Variants in SLCO1A2 observed in about 807,000 individuals in gnomAD.
The protein encoded by SLCO1A2 is solute carrier organic anion transporter family member 1A2.
A neutral mutation model predicts 69.0 loss-of-function variants in SLCO1A2; 67 were observed. That is an observed-to-expected ratio of 0.97 (90% CI 0.80 to 1.19). SLCO1A2 has a LOEUF of 1.19. Among genes scored for constraint, SLCO1A2 ranks in the 50% most tolerant of loss-of-function variants. SLCO1A2 has a pLI of 0.00. For synonymous variants in SLCO1A2, 260 were observed against 265.9 expected (o/e 0.98, Z 0.22); for missense variants, 787 against 793.7 (o/e 0.99, Z 0.10).
intron 2 of SLCO1A2, among the ~76,000 whole-genome samples, chr12:21,371,740 C>T (rs912150069): frequency 4.6e-5 from 7 of 152,098 alleles, no homozygotes; most frequent in Non-Finnish European, 1.0e-4. Context: ...CGGTGGCTGA[C>T]GCCTGTAATC....
In SLCO1A2 at chr12:21,342,314, T is replaced by C. The variant is rs547537251; in HGVS notation, c.-62-7605A>G. 1.6e-4 allele frequency among the ~76,000 whole-genome samples: 24 copies of C among 152,194 alleles called. No homozygotes were observed. The South Asian group carries it at 4.8e-3, about 30-fold the overall frequency. ...TATTTTTGAAAAAAGAGTAATAGGA[T>C]GGAGAATTTTACATAAGCAGGCTTT... On this transcript the variant is annotated intron_variant, in intron 2 of 15. Coordinates refer to the SLCO1A2 transcript ENST00000307378.
At chr12:21,334,964 T>C (rs185565432), upstream of SLCO1A2, 3 of 212,500 alleles carry the variant, frequency 1.4e-5, no homozygotes, top group South Asian at 1.4e-4. Context: ...TTTGTTATGA[T>C]CTTGCAAAAT....
At chr12:21,309,314 A>G (rs962365674) in intron 4 of SLCO1A2, among the ~76,000 whole-genome samples, 2 of 152,210 alleles carry the variant, frequency 1.3e-5, no homozygotes, top group Non-Finnish European at 2.9e-5. Context: ...AACAAAAGTA[A>G]CTTTTCCAAA....
intron 2 of SLCO1A2, among the ~76,000 whole-genome samples, chr12:21,362,119 G>T (rs1360387483): frequency 6.6e-6 from 1 of 152,078 alleles, no homozygotes; most frequent in African/African-American, 2.4e-5. Context: ...TGAAATGAAG[G>T]AAAAAATGTT....
intron 4 of SLCO1A2, among the ~76,000 whole-genome samples, chr12:21,314,114 T>C (rs1950565557): frequency 6.6e-6 from 1 of 152,180 alleles, no homozygotes; most frequent in Admixed American, 6.5e-5. Context: ...TAAGCTTTTT[T>C]GTAATAGTTT....
chr12:21,330,899 G>T (rs779406564), intron 2 of SLCO1A2, among the ~76,000 whole-genome samples: 18 of 151,984 alleles, frequency 1.2e-4, no homozygotes, highest in Non-Finnish European at 2.5e-4. Flanking sequence ...AACATGCTTG[G>T]ACTTTCTGGT....
rs1270996269 is a variant in SLCO1A2, at chr12:21,265,872, G to A, written c.*3676C>T. The stretch of plus-strand genomic sequence containing the variant: ...AGGCCCAGTAAATAAGAACCATTCT[G>A]TCAATTTCTATATTTTCTTATATAG... On this transcript the variant is annotated 3_prime_UTR_variant, in exon 15 of 15. Coordinates refer to ENST00000683939, the MANE Select transcript of SLCO1A2 (RefSeq NM_001386879.1). The A allele has an allele frequency of 6.6e-6, 1 of 152,014 alleles. No homozygotes were observed. The highest frequency in any genetic ancestry group is 1.5e-5 in the Non-Finnish European group (1 of 67,990). 9.4% of individuals were successfully genotyped at this position (152,014 alleles called of 1,614,324 possible). A position where few individuals can be genotyped will look rare whatever the true frequency, so the allele number is the denominator to read the frequency against.
At chr12:21,327,973 G>A (rs1362663890) in intron 2 of SLCO1A2, among the ~76,000 whole-genome samples, 1 of 152,118 alleles carries the variant, frequency 6.6e-6, no homozygotes, top group African/African-American at 2.4e-5. Context: ...CATGTGTCAT[G>A]GGAGGGAACT....
intron 4 of SLCO1A2, among the ~76,000 whole-genome samples, chr12:21,312,418 C>T (rs1950342192): frequency 6.6e-6 from 1 of 152,162 alleles, no homozygotes; most frequent in African/African-American, 2.4e-5. Context: ...CAAACTTTCT[C>T]CATCTCAGCA....
chr12:21,372,417 T>A (rs1327455377), intron 2 of SLCO1A2, among the ~76,000 whole-genome samples: 1 of 152,190 alleles, frequency 6.6e-6, no homozygotes, highest in African/African-American at 2.4e-5. Flanking sequence ...TCCCCTCACC[T>A]CATTGTAAAT....
At chr12:21,344,942 G>C (rs759076873) in intron 2 of SLCO1A2, among the ~76,000 whole-genome samples, 1 of 151,710 alleles carries the variant, frequency 6.6e-6, no homozygotes, top group Non-Finnish European at 1.5e-5. Context: ...AATAATAAAG[G>C]TTCTTTCCCC....
intron 1 of SLCO1A2, chr12:21,376,464 A>T (rs1940200352): frequency 5.6e-6 from 1 of 179,286 alleles, no homozygotes; most frequent in Non-Finnish European, 1.2e-5. Flanking sequence ...TATTTATGGT[A>T]CCTTCAAAAA....
chr12:21,279,554 A>G (rs1293589936), intron 12 of SLCO1A2, among the ~76,000 whole-genome samples: 3 of 151,802 alleles, frequency 2.0e-5, no homozygotes, highest in Admixed American at 1.3e-4. Flanking sequence ...GGCATGACAT[A>G]CTTAAAGTGC....
chr12:21,347,649 G>A (rs912218927), intron 2 of SLCO1A2, among the ~76,000 whole-genome samples: 22 of 80,366 alleles, frequency 2.7e-4, no homozygotes, highest in East Asian at 2.0e-3. Flanking sequence ...ACTCTGGAAA[G>A]AAGGAAAGAA....
chr12:21,275,425 C>A lies in SLCO1A2; in HGVS notation c.1611-1G>T. The A allele has an allele frequency of 6.8e-7, 1 of 1,467,790 alleles. No individual in the cohort carries two copies. Among genetic ancestry groups the A allele is most frequent in the South Asian group, 1.4e-5 (1 of 70,984 alleles). The allele number at this position is 1,467,790 out of a possible 1,614,324, so 90.9% of individuals were successfully genotyped here. A position where few individuals can be genotyped will look rare whatever the true frequency, so the allele number is the denominator to read the frequency against. On this transcript the variant is annotated splice_acceptor_variant, in intron 12 of 14. Coordinates refer to ENST00000683939, the MANE Select transcript of SLCO1A2 (RefSeq NM_001386879.1). LOFTEE classifies it high-confidence loss of function. ...GGACTTCTCTTCAGATTTCATACAC[C>A]TGAAAAGTAAATAAGTTTGTAAATA...
rs115080183 is a variant in SLCO1A2 at position 21,304,434 on chromosome 12, T to G, written c.582A>C (p.Leu194Phe). 6.2e-7 allele frequency: 1 copy of G among 1,607,002 alleles called. No individual in the cohort carries two copies. The highest frequency in any genetic ancestry group is 2.2e-5 in the East Asian group (1 of 44,802). The change falls in exon 6 of 15, where the codon TTA becomes TTC. Residue 194 changes from leucine to phenylalanine, a missense_variant. Physicochemically the swap from Leu to Phe is conservative, Grantham distance 22 (BLOSUM62 0). Transcript: ENST00000683939. ...GTAGATTTCCATACTTACCAATATA[T>G]AAAGGAGAATTTTCAAATTTGGCAA... ...EDFAKFENSP[L>F]YIGLVETGAI...
At chr12:21,349,964 C>T (rs1431425981) in intron 2 of SLCO1A2, among the ~76,000 whole-genome samples, 2 of 152,302 alleles carry the variant, frequency 1.3e-5, no homozygotes, top group East Asian at 3.9e-4. Flanking sequence ...ACCTCTCAAT[C>T]ACTTCCCCTT....
intron 12 of SLCO1A2, among the ~76,000 whole-genome samples, chr12:21,281,299 A>T (rs1944742327): frequency 6.6e-6 from 1 of 151,936 alleles, no homozygotes; most frequent in Non-Finnish European, 1.5e-5. Context: ...AAAATACAAA[A>T]ATTAGCTGGG....
At chr12:21,369,895 A>C (rs1219567712) in intron 2 of SLCO1A2, among the ~76,000 whole-genome samples, 3 of 152,212 alleles carry the variant, frequency 2.0e-5, no homozygotes, top group African/African-American at 7.2e-5. Context: ...CTTCACTTTC[A>C]TTAGTGCTAC....
Sources: gnomAD v4.1 joint callset for allele counts (sites outside exome capture counted in the v4.1 genomes callset) on GRCh38, gnomAD v4.1.1 for gene constraint, MANE v1.5 for transcripts, NCBI Gene and HGNC (gene_info 2026-07-23, HGNC 2026-07-21) for gene names.